Variants in HYCC1 observed in about 807,000 individuals in gnomAD.
HYCC1 encodes the protein hyccin.
At chr7:22,904,444 A>AGT in the HYCC1 span, among the ~76,000 whole-genome samples, 11 of 150,836 alleles carry the variant, frequency 7.3e-5, no homozygotes, top group Non-Finnish European at 1.5e-4. Flanking sequence ...AAAAAAAAAA[A>AGT]AGTAATAATA....
At chr7:22,922,258 A>G in the HYCC1 span, among the ~76,000 whole-genome samples, 2 of 152,214 alleles carry the variant, frequency 1.3e-5, no homozygotes, top group Non-Finnish European at 2.9e-5. Flanking sequence ...AAAATATCCA[A>G]TTGAAAGACA....
chr7:22,924,006 A>AAC, the HYCC1 span, among the ~76,000 whole-genome samples: 1 of 150,624 alleles, frequency 6.6e-6, no homozygotes, highest in Non-Finnish European at 1.5e-5. Flanking sequence ...AAAAAAAAAA[A>AAC]AAAAAAAACC....
At chr7:22,997,486 T>A in the HYCC1 span, among the ~76,000 whole-genome samples, 17 of 152,222 alleles carry the variant, frequency 1.1e-4, no homozygotes, top group African/African-American at 4.1e-4. Flanking sequence ...AGGCCATTGC[T>A]GTAGTTAAAT....
At chr7:22,962,552 G>A in the HYCC1 span, among the ~76,000 whole-genome samples, 13 of 147,944 alleles carry the variant, frequency 8.8e-5, no homozygotes, top group African/African-American at 3.3e-4. Context: ...GCGAACAAGT[G>A]AAGACCAATT....
chr7:22,923,894 T>C, the HYCC1 span, among the ~76,000 whole-genome samples: 4 of 150,606 alleles, frequency 2.7e-5, no homozygotes, highest in African/African-American at 4.9e-5. Flanking sequence ...TGGTGGCTCA[T>C]GCCTGTAATC....
chr7:22,921,723 T>A, the HYCC1 span, among the ~76,000 whole-genome samples: 5 of 152,318 alleles, frequency 3.3e-5, no homozygotes, highest in African/African-American at 1.2e-4. Flanking sequence ...TTTTTAAAAA[T>A]ATGAATTTTT....
At chr7:22,969,848 T>G in the HYCC1 span, among the ~76,000 whole-genome samples, 1 of 152,104 alleles carries the variant, frequency 6.6e-6, no homozygotes, top group Non-Finnish European at 1.5e-5. Context: ...TAGTTTGATG[T>G]AGATATCAGT....
the HYCC1 span, among the ~76,000 whole-genome samples, chr7:22,920,766 C>A: frequency 1.3e-5 from 2 of 152,090 alleles, no homozygotes; most frequent in Non-Finnish European, 2.9e-5. Context: ...GAATGTGTGT[C>A]CCCTACAAAT....
At chr7:22,920,755 G>A in the HYCC1 span, among the ~76,000 whole-genome samples, 1 of 152,094 alleles carries the variant, frequency 6.6e-6, no homozygotes. Context: ...TGTTATGGTT[G>A]GAATGTGTGT....
the HYCC1 span, chr7:22,977,334 C>A: frequency 6.6e-7 from 1 of 1,517,412 alleles, no homozygotes; most frequent in South Asian, 1.1e-5. Context: ...GATAAAATGT[C>A]ACTTACTTCA....
At chr7:22,995,654 T>C in the HYCC1 span, among the ~76,000 whole-genome samples, 2 of 147,564 alleles carry the variant, frequency 1.4e-5, no homozygotes, top group South Asian at 2.2e-4. Flanking sequence ...CATACTCATA[T>C]AAATAAATGA....
the HYCC1 span, among the ~76,000 whole-genome samples, chr7:22,919,824 G>A: frequency 1.1e-4 from 17 of 151,910 alleles, no homozygotes; most frequent in African/African-American, 3.9e-4. Flanking sequence ...ACTTTTAAGT[G>A]CACCAACATT....
the HYCC1 span, among the ~76,000 whole-genome samples, chr7:22,987,788 T>G: frequency 4.6e-5 from 7 of 152,082 alleles, no homozygotes; most frequent in African/African-American, 1.7e-4. Flanking sequence ...CCCAACATCA[T>G]AAAACCAGCT....
At chr7:22,960,792 G>A in the HYCC1 span, among the ~76,000 whole-genome samples, 1 of 152,224 alleles carries the variant, frequency 6.6e-6, no homozygotes, top group African/African-American at 2.4e-5. Flanking sequence ...GCTCACGCCT[G>A]TAATCCCAGC....
chr7:23,002,146 A>ATATATATATATATATACACAAT, the HYCC1 span, among the ~76,000 whole-genome samples: 6 of 24,060 alleles, frequency 2.5e-4, no homozygotes, highest in African/African-American at 5.5e-4. Context: ...GTATATATAT[A>ATATATATATATATATACACAAT]TATATATATA....
At chr7:22,955,672 G>A in the HYCC1 span, among the ~76,000 whole-genome samples, 2 of 151,604 alleles carry the variant, frequency 1.3e-5, no homozygotes, top group Non-Finnish European at 3.0e-5. Flanking sequence ...AGTAGTTGTC[G>A]TGAACAGAGA....
chr7:22,985,295 T>G, the HYCC1 span, among the ~76,000 whole-genome samples: 1 of 152,220 alleles, frequency 6.6e-6, no homozygotes, highest in South Asian at 2.1e-4. Context: ...ATAAAGACAT[T>G]TGATTCATTT....
At chr7:22,939,737 G>C in the HYCC1 span, 1 of 152,006 alleles carries the variant, frequency 6.6e-6, no homozygotes, top group African/African-American at 2.4e-5. Flanking sequence ...TGTGTTCAAG[G>C]CTGAGTTTTG....
chr7:22,924,630 G>C, the HYCC1 span, among the ~76,000 whole-genome samples: 2 of 152,248 alleles, frequency 1.3e-5, no homozygotes, highest in Non-Finnish European at 2.9e-5. Context: ...CAGCAAGGCT[G>C]GGGGAGGGGC....
Sources: gnomAD v4.1 joint callset for allele counts (sites outside exome capture counted in the v4.1 genomes callset) on GRCh38, gnomAD v4.1.1 for gene constraint, MANE v1.5 for transcripts, NCBI Gene and HGNC (gene_info 2026-07-23, HGNC 2026-07-21) for gene names.